The following FBXO7 variants were observed in gnomAD, a reference collection of about 807,000 sequenced individuals.
The protein encoded by FBXO7 is F-box protein 7.
A neutral mutation model predicts 50.2 loss-of-function variants in FBXO7; 31 were observed. The ratio of observed to expected loss-of-function variants is 0.62; its 90% CI spans 0.46 to 0.83. The LOEUF (loss-of-function observed/expected upper bound fraction) is 0.83. Among genes scored for constraint, FBXO7 ranks in the 40% least tolerant of loss-of-function variants. The probability of loss-of-function intolerance (pLI) is 0.00; values close to 1 mark genes in which losing one functional copy is unlikely to be tolerated. For synonymous variants in FBXO7, 256 were observed against 253.1 expected, an observed-to-expected ratio of 1.01 and a Z score of -0.11; for missense variants, 667 against 646.6, an observed-to-expected ratio of 1.03 and a Z score of -0.34.
At chr22:32,486,435 G>T (rs2057499157) in intron 4 of FBXO7, among the ~76,000 whole-genome samples, 1 of 152,052 alleles carries the variant, frequency 6.6e-6, no homozygotes, top group South Asian at 2.1e-4. Flanking sequence ...CTAGGCTCAA[G>T]CAGTCTTCCT....
At chr22:32,492,786 G>A (rs535745579) in intron 6 of FBXO7, 1 of 326,084 alleles carries the variant, frequency 3.1e-6, no homozygotes, top group African/African-American at 2.2e-5. Flanking sequence ...TTGTTGTATT[G>A]AATAATGTTT....
chr22:32,490,261 A>C lies in FBXO7; in HGVS notation c.872-825A>C, dbSNP rs2057525915. ...GTCTCCTTTAAACAGTTGAGCAAAAAGGTGAGGATCAGAGGGGCAGGTTAT... is the reference window on the plus strand; with the variant it reads ...GTCTCCTTTAAACAGTTGAGCAAAACGGTGAGGATCAGAGGGGCAGGTTAT... On this transcript the variant is annotated intron_variant, in intron 5 of 8. Transcript: ENST00000266087. 2.0e-5 allele frequency: 3 copies of C among 152,242 alleles called. 1 individual carries two copies. The highest frequency in any genetic ancestry group is 2.0e-4 in the Admixed American group (3 of 15,278). The allele number at this position is 152,242 out of a possible 1,614,324, so 9.4% of individuals were successfully genotyped here. A position where few individuals can be genotyped will look rare whatever the true frequency, so the allele number is the denominator to read the frequency against.
chr22:32,477,116 T>A (rs1217671542), intron 1 of FBXO7, among the ~76,000 whole-genome samples: 4 of 152,206 alleles, frequency 2.6e-5, no homozygotes, highest in Admixed American at 2.6e-4. Flanking sequence ...TTTCAACGTT[T>A]TGTTTATCAA....
intron 3 of FBXO7, among the ~76,000 whole-genome samples, chr22:32,484,555 G>T (rs549740886): frequency 4.1e-4 from 62 of 152,240 alleles, no homozygotes; most frequent in Non-Finnish European, 7.8e-4. Flanking sequence ...AAAATATTGG[G>T]ATATTTCTTG....
chr22:32,495,390 A>C, intron 7 of FBXO7, 103 bp from the exon 8 acceptor site: 1 of 658,372 alleles, frequency 1.5e-6, no homozygotes. Flanking sequence ...TTTTATGCTT[A>C]ACGGGTAAGT....
chr22:32,482,854 C>T (rs1207131228), intron 2 of FBXO7, among the ~76,000 whole-genome samples: 1 of 152,108 alleles, frequency 6.6e-6, no homozygotes, highest in African/African-American at 2.4e-5. Flanking sequence ...AACTTGCAGT[C>T]ATGGAAGGAT....
intron 5 of FBXO7, chr22:32,488,135 GGAGATCTCCCTATT>G (rs2057511167): frequency 1.1e-5 from 3 of 282,116 alleles, no homozygotes; most frequent in Admixed American, 4.9e-5. Flanking sequence ...ACTAATCTTT[GGAGATCTCCCTATT>G]GAGATCTCCA....
In FBXO7 at chr22:32,498,212, G is replaced by A. The variant is rs768834341; in HGVS notation, c.1251G>A (p.Ser417=). Reference sequence around the variant, plus strand: ...GGCGGTTTGTGATGCTCCTGCCATCGTCAACTCACACCATTCCATTCTATC... The same window carrying A: ...GGCGGTTTGTGATGCTCCTGCCATCATCAACTCACACCATTCCATTCTATC... ...PKGRFVMLLP[S]STHTIPFYPN... is the part of the protein sequence containing the mutation. The change falls in exon 9 of 9, where the codon TCG becomes TCA. Residue 417 remains serine (S), a synonymous_variant. Transcript: ENST00000266087. The A allele has an allele frequency of 6.2e-6, 10 of 1,614,148 alleles. No individual in the cohort carries two copies. The highest frequency in any genetic ancestry group is 1.7e-5 in the Admixed American group (1 of 60,026).
At chr22:32,495,621 A>G in intron 8 of FBXO7, 91 bp downstream of exon 8, 1 of 599,598 alleles carries the variant, frequency 1.7e-6, no homozygotes, top group South Asian at 3.6e-5. Context: ...CTTTTATATG[A>G]TGTAGTGAAA....
Position 32,498,702 on chromosome 22 carries a change from A to C in FBXO7, c.*172A>C, listed in dbSNP as rs1476085914. 1.1e-5 allele frequency: 8 copies of C among 748,502 alleles called. No individual in the cohort carries two copies. The highest frequency in any genetic ancestry group is 1.7e-5 in the Non-Finnish European group (8 of 461,538). 46.4% of individuals were successfully genotyped at this position (748,502 alleles called of 1,614,324 possible). On this transcript the variant is annotated 3_prime_UTR_variant, in exon 9 of 9. Transcript: ENST00000266087. Reference sequence around the variant, plus strand: ...ATAGCCCTAGGGGTGGTATGACCCAAAGGTTCCTCTGTGACAAGGTTGGCC... The same window carrying C: ...ATAGCCCTAGGGGTGGTATGACCCACAGGTTCCTCTGTGACAAGGTTGGCC...
At chr22:32,489,305 C>T (rs2057519454) in intron 5 of FBXO7, 1 of 152,112 alleles carries the variant, frequency 6.6e-6, no homozygotes, top group South Asian at 2.1e-4. Context: ...TCTTTTTAAC[C>T]CGTCAAGGAC....
At chr22:32,494,038 A>G (rs2057555846) in intron 7 of FBXO7, among the ~76,000 whole-genome samples, 1 of 149,470 alleles carries the variant, frequency 6.7e-6, no homozygotes, top group Non-Finnish European at 1.5e-5. Context: ...TTTGAATGAT[A>G]CTGCTATATG....
intron 2 of FBXO7, among the ~76,000 whole-genome samples, 159 bp downstream of exon 2, chr22:32,479,434 T>A (rs1289134568): frequency 6.7e-6 from 1 of 149,976 alleles, no homozygotes; most frequent in Non-Finnish European, 1.5e-5. Context: ...AGTCTCACTC[T>A]GTCACCAGGC....
intron 5 of FBXO7, chr22:32,490,787 C>T: frequency 2.7e-6 from 1 of 369,172 alleles, no homozygotes; most frequent in East Asian, 6.6e-5. Flanking sequence ...TGATAGCTAT[C>T]AGGAAATCTT....
At chr22:32,481,297 G>C (rs1349888426) in intron 2 of FBXO7, among the ~76,000 whole-genome samples, 1 of 152,180 alleles carries the variant, frequency 6.6e-6, no homozygotes, top group African/African-American at 2.4e-5. Flanking sequence ...ATATTTCGCT[G>C]TATATTTAAA....
At chr22:32,497,131 G>A (rs922055538) in intron 8 of FBXO7, among the ~76,000 whole-genome samples, 3 of 152,164 alleles carry the variant, frequency 2.0e-5, no homozygotes, top group South Asian at 2.1e-4. Flanking sequence ...TGCTTCTTAC[G>A]GATAAAGAGA....
chr22:32,492,320 G>A (rs2057543238), intron 6 of FBXO7: 1 of 152,208 alleles, frequency 6.6e-6, no homozygotes, highest in African/African-American at 2.4e-5. Flanking sequence ...TAAGGGAAAG[G>A]GAGTAATGCC....
intron 1 of FBXO7, chr22:32,475,457 A>G (rs2057421784): frequency 6.9e-6 from 11 of 1,594,814 alleles, no homozygotes; most frequent in South Asian, 5.6e-5. Flanking sequence ...GGAACGCACA[A>G]TTTCCACAAC....
At position 32,479,118 on chromosome 22, in the gene FBXO7, T is replaced by C. The variant is rs780055842; in HGVS notation, c.260T>C (p.Ile87Thr). The C allele has an allele frequency of 3.1e-6, 5 of 1,614,176 alleles. No individual in the cohort carries two copies. The highest frequency in any genetic ancestry group is 4.5e-5 in the East Asian group (2 of 44,874). Residue 87 changes from isoleucine to threonine, a missense_variant, in exon 2 of 9, where the codon ATA (isoleucine) becomes ACA (threonine). Ile to Thr is a moderately conservative substitution (Grantham distance 89, BLOSUM62 -1). Coordinates refer to ENST00000266087, the MANE Select transcript of FBXO7 (RefSeq NM_012179.4). The stretch of plus-strand genomic sequence containing the variant: ...CAAGATGACATTCCAGCGCCTAATA[T>C]ACCTTCATCCACAGATTCAGAGCAT... The part of the protein sequence containing the change: ...ILQDDIPAPN[I>T]PSSTDSEHSS...
Sources: allele counts gnomAD v4.1 joint callset (sites outside exome capture counted in the v4.1 genomes callset), GRCh38; gene constraint gnomAD v4.1.1; transcripts MANE v1.5; gene names NCBI Gene and HGNC (gene_info 2026-07-23, HGNC 2026-07-21).